The following HDAC4 variants were observed in gnomAD, a reference collection of about 807,000 sequenced individuals.
HDAC4 encodes the protein histone deacetylase A.
HDAC4 carries 16 observed loss-of-function variants against 135.1 expected under a neutral mutation model. The observed-to-expected ratio is 0.12, with a 90% CI of 0.08 to 0.18. HDAC4 has a LOEUF of 0.18. Among genes scored for constraint, HDAC4 ranks in the 10% least tolerant of loss-of-function variants. The probability of loss-of-function intolerance (pLI) is 1.00; values close to 1 mark genes in which losing one functional copy is unlikely to be tolerated. For synonymous variants in HDAC4, 685 were observed against 653.4 expected, an observed-to-expected ratio of 1.05 and a Z score of -0.74; for missense variants, 1,143 against 1,511.8, an observed-to-expected ratio of 0.76 and a Z score of 4.05.
chr2:239,178,586 G>A (rs2043926216), intron 4 of HDAC4, among the ~76,000 whole-genome samples: 1 of 151,964 alleles, frequency 6.6e-6, no homozygotes, highest in South Asian at 2.1e-4. Context: ...ATCTTGCTCT[G>A]TTGCTGGGGC....
intron 16 of HDAC4, 60 bp from the exon 17 acceptor site, chr2:239,095,116 G>A: frequency 6.3e-7 from 1 of 1,588,930 alleles, no homozygotes; most frequent in Non-Finnish European, 8.6e-7. Context: ...GTGCTCGACA[G>A]GCCCTGGGCG....
At chr2:239,092,279 C>G (rs1352077436) in intron 17 of HDAC4, among the ~76,000 whole-genome samples, 2 of 151,448 alleles carry the variant, frequency 1.3e-5, no homozygotes, top group African/African-American at 2.4e-5. Flanking sequence ...AAGGTGACAT[C>G]GCAGGAGTGA....
chr2:239,173,697 T>C (rs2043591028), intron 5 of HDAC4, among the ~76,000 whole-genome samples: 1 of 151,936 alleles, frequency 6.6e-6, no homozygotes. Flanking sequence ...ACATAAAAGG[T>C]ATTCCAATCA....
intron 2 of HDAC4, among the ~76,000 whole-genome samples, chr2:239,272,895 T>G (rs2050134440): frequency 6.6e-6 from 1 of 152,138 alleles, no homozygotes; most frequent in East Asian, 1.9e-4. Flanking sequence ...GTCCCTATAT[T>G]CCTGCAACGG....
At chr2:239,206,042 C>T (rs1476616793) in intron 3 of HDAC4, among the ~76,000 whole-genome samples, 1 of 152,164 alleles carries the variant, frequency 6.6e-6, no homozygotes, top group African/African-American at 2.4e-5. Context: ...ACGAATATGG[C>T]TGTTAGTTAC....
chr2:239,184,830 G>A (rs878978897), intron 4 of HDAC4, among the ~76,000 whole-genome samples: 38 of 25,028 alleles, frequency 1.5e-3, no homozygotes, highest in South Asian at 5.4e-3. Flanking sequence ...TGGAGACTGT[G>A]TCCTATGGTG....
intron 12 of HDAC4, among the ~76,000 whole-genome samples, chr2:239,120,615 G>A (rs114616618): frequency 0.068 from 8,912 of 130,736 alleles, 544 homozygotes; most frequent in East Asian, 0.31. Context: ...ATGGGGGGGC[G>A]GGGAAGGGAA....
chr2:239,283,474 C>T (rs576728517), intron 2 of HDAC4, among the ~76,000 whole-genome samples: 87 of 152,312 alleles, frequency 5.7e-4, no homozygotes, highest in African/African-American at 1.9e-3. Context: ...GGCTGGCCAC[C>T]GCGAGGGGCC....
chr2:239,243,973 C>CAG (rs2048333933), intron 2 of HDAC4, among the ~76,000 whole-genome samples: 1 of 152,188 alleles, frequency 6.6e-6, no homozygotes, highest in Admixed American at 6.5e-5. Flanking sequence ...CTCAGACCTT[C>CAG]CTTGTTTTTG....
chr2:239,060,977 C>A (rs79166851), intron 24 of HDAC4, among the ~76,000 whole-genome samples: 1 of 152,246 alleles, frequency 6.6e-6, no homozygotes, highest in Non-Finnish European at 1.5e-5. Context: ...CTGAAGGCCA[C>A]GAGGCTGGGC....
chr2:239,200,585 G>A (rs1241611605), intron 3 of HDAC4, among the ~76,000 whole-genome samples: 2 of 152,246 alleles, frequency 1.3e-5, no homozygotes, highest in African/African-American at 2.4e-5. Flanking sequence ...AACAATCACT[G>A]TAAGTTAAAT....
chr2:239,048,535 G>T lies in HDAC4; in HGVS notation c.*4562C>A, dbSNP rs1259887779. On this transcript the variant is annotated 3_prime_UTR_variant, in exon 27 of 27. Coordinates refer to ENST00000543185, the MANE Select transcript of HDAC4 (RefSeq NM_001378414.1). ...CTACCACATTCCGTAAGAAGCTCTT[G>T]GGTGAGTAAGGTTCAAGCCCCCTGT... 6.8e-6 allele frequency: 1 copy of T among 147,012 alleles called. No individual in the cohort carries two copies. The highest frequency in any genetic ancestry group is 1.5e-5 in the Non-Finnish European group (1 of 66,672). 9.1% of individuals were successfully genotyped at this position (147,012 alleles called of 1,614,324 possible).
chr2:239,240,172 G>T lies in HDAC4; in HGVS notation c.23-3508C>A, dbSNP rs930060832. Among the ~76,000 whole-genome samples the T allele has an allele frequency of 6.6e-6, 1 of 152,260 alleles. No individual in the cohort carries two copies. The highest frequency in any genetic ancestry group is 2.4e-5 in the African/African-American group (1 of 41,468). ...CAATCCTGGGGGTAAAGCAGTGGCG[G>T]TGAGTGCACTTTGCAGGCGCAGGGG... On this transcript the variant is annotated intron_variant, in intron 2 of 26. Coordinates refer to ENST00000543185, the MANE Select transcript of HDAC4 (RefSeq NM_001378414.1). This position sits in a 1 kb window ranked among gnomAD's most constrained non-coding sequence, Gnocchi z 4.5.
chr2:239,283,727 C>T (rs914684477), intron 2 of HDAC4, among the ~76,000 whole-genome samples: 5 of 152,260 alleles, frequency 3.3e-5, no homozygotes, highest in Admixed American at 6.5e-5. Context: ...ACAGCAGTGC[C>T]GGCCACCACG....
chr2:239,235,499 C>T (rs1360307404), intron 3 of HDAC4, among the ~76,000 whole-genome samples: 6 of 152,202 alleles, frequency 3.9e-5, no homozygotes, highest in African/African-American at 2.4e-5. Context: ...GGCCTCGGGA[C>T]GCAGTCCCTG....
At chr2:239,326,879 G>A (rs2053483693) in intron 2 of HDAC4, among the ~76,000 whole-genome samples, 1 of 152,168 alleles carries the variant, frequency 6.6e-6, no homozygotes, top group African/African-American at 2.4e-5. Flanking sequence ...AGCCTGTGGG[G>A]CAGTTCACAT....
At chr2:239,312,819 G>A (rs186005607) in intron 2 of HDAC4, among the ~76,000 whole-genome samples, 110 of 152,326 alleles carry the variant, frequency 7.2e-4, no homozygotes, top group Middle Eastern at 3.4e-3. Flanking sequence ...GACTAGCCTG[G>A]TACACGGAGA....
intron 3 of HDAC4, among the ~76,000 whole-genome samples, chr2:239,235,904 T>C (rs1016563231): frequency 6.6e-6 from 1 of 152,050 alleles, no homozygotes; most frequent in Admixed American, 6.5e-5. Flanking sequence ...CCAGGTGTGG[T>C]GGCACACACC....
At chr2:239,196,844 CA>C (rs1006844812) in intron 3 of HDAC4, among the ~76,000 whole-genome samples, 6 of 152,150 alleles carry the variant, frequency 3.9e-5, no homozygotes, top group Admixed American at 3.9e-4. Context: ...GCCATGTGGT[CA>C]ACAGAGGTCA....
Sources: gnomAD v4.1 joint callset for allele counts (sites outside exome capture counted in the v4.1 genomes callset) on GRCh38, gnomAD v4.1.1 for gene constraint, Gnocchi (gnomAD v3.1) non-coding constraint, MANE v1.5 for transcripts, NCBI Gene and HGNC (gene_info 2026-07-23, HGNC 2026-07-21) for gene names.